AK8: variants seen among roughly 807,000 people sequenced by gnomAD.
AK8 encodes the protein ATP-AMP transphosphorylase 8.
A neutral mutation model predicts 54.6 loss-of-function variants in AK8; 44 were observed. The ratio of observed to expected loss-of-function variants is 0.81; its 90% CI spans 0.63 to 1.04. The LOEUF (loss-of-function observed/expected upper bound fraction) is 1.04. AK8 is among the 50% of genes least tolerant of loss of function. The pLI is 0.00. For missense variants in AK8, 555 were observed against 613.6 expected (o/e 0.90, Z 1.01); for synonymous variants, 239 against 245.6 (o/e 0.97, Z 0.25).
At chr9:132,857,463 TG>T (rs1275244321) in intron 4 of AK8, among the ~76,000 whole-genome samples, 5 of 152,168 alleles carry the variant, frequency 3.3e-5, no homozygotes, top group African/African-American at 1.2e-4. Context: ...TTCCCCAGGC[TG>T]GCAAGGGAAG....
Position 132,828,665 on chromosome 9 carries a change from C to T in AK8, c.464G>A (p.Gly155Glu), listed in dbSNP as rs1841980555. The T allele has an allele frequency of 6.2e-7, 1 of 1,612,228 alleles. No individual in the cohort carries two copies. The highest frequency in any genetic ancestry group is 1.3e-5 in the African/African-American group (1 of 74,882). ...REQALRIQTL[G>E]ITPRHVIVLS... ...CTCACTGACGTGTCTGGGTGTGATC[C>T]CCAGGGTCTGGATCCTCAGAGCCTG... The change falls in exon 6 of 13, where the codon GGG becomes GAG. Residue 155 changes from glycine (G) to glutamate (E), a missense_variant. Gly to Glu is a moderately conservative substitution (Grantham distance 98). Coordinates refer to ENST00000298545, the MANE Select transcript of AK8 (RefSeq NM_152572.3).
intron 11 of AK8, among the ~76,000 whole-genome samples, chr9:132,748,401 G>C (rs1254695013): frequency 6.6e-6 from 1 of 151,530 alleles, no homozygotes; most frequent in Non-Finnish European, 1.5e-5. Flanking sequence ...CACTGAGAAG[G>C]ACAAAGAGTG....
intron 11 of AK8, among the ~76,000 whole-genome samples, chr9:132,755,786 A>C (rs943506115): frequency 5.1e-5 from 7 of 136,556 alleles, no homozygotes; most frequent in Admixed American, 4.5e-4. Flanking sequence ...TTTTTTTTTG[A>C]GACGGAGTTT....
chr9:132,865,109 AG>A (rs1336768262), intron 3 of AK8, among the ~76,000 whole-genome samples: 1 of 152,192 alleles, frequency 6.6e-6, no homozygotes, highest in Non-Finnish European at 1.5e-5. Flanking sequence ...GCTAATGATC[AG>A]CAGGTCTGGG....
chr9:132,855,346 G>A (rs750080700), intron 4 of AK8, among the ~76,000 whole-genome samples: 9 of 152,150 alleles, frequency 5.9e-5, no homozygotes, highest in African/African-American at 1.7e-4. Flanking sequence ...GACTGCCCAC[G>A]TGGCTGTGTC....
chr9:132,778,483 A>AAG (rs1025637125), intron 11 of AK8, among the ~76,000 whole-genome samples: 2 of 152,056 alleles, frequency 1.3e-5, no homozygotes, highest in Non-Finnish European at 2.9e-5. Context: ...GTGATAATGA[A>AAG]AGAGAGAGAG....
intron 10 of AK8, among the ~76,000 whole-genome samples, chr9:132,811,563 A>G (rs550864172): frequency 1.2e-4 from 18 of 152,382 alleles, no homozygotes; most frequent in Admixed American, 1.0e-3. Context: ...AGGACTTCTG[A>G]CCTACAGAAC....
At chr9:132,865,606 A>C (rs1405328563) in intron 3 of AK8, among the ~76,000 whole-genome samples, 4 of 151,584 alleles carry the variant, frequency 2.6e-5, no homozygotes, top group Non-Finnish European at 5.9e-5. Context: ...TGAGGTCAAG[A>C]GATCAAGACC....
chr9:132,805,120 G>A (rs1840658599), intron 10 of AK8, among the ~76,000 whole-genome samples: 1 of 152,238 alleles, frequency 6.6e-6, no homozygotes, highest in Non-Finnish European at 1.5e-5. Flanking sequence ...GGTCAGGCCT[G>A]TCAGAGACAA....
intron 5 of AK8, among the ~76,000 whole-genome samples, chr9:132,854,644 C>T (rs191962534): frequency 6.4e-4 from 98 of 152,340 alleles, no homozygotes; most frequent in African/African-American, 2.1e-3. Context: ...CTATTTCCTA[C>T]GGGAACCCTG....
chr9:132,868,612 C>T (rs1279383970), intron 2 of AK8, among the ~76,000 whole-genome samples: 1 of 152,164 alleles, frequency 6.6e-6, no homozygotes, highest in African/African-American at 2.4e-5. Context: ...TGAATGTCAG[C>T]CCACTACTGA....
At chr9:132,850,101 T>A (rs1274944688) in intron 5 of AK8, among the ~76,000 whole-genome samples, 3 of 145,148 alleles carry the variant, frequency 2.1e-5, no homozygotes, top group Middle Eastern at 3.8e-3. Context: ...TCACCCAGGC[T>A]GGAGTGCAGT....
chr9:132,865,525 T>TA (rs1454443917), intron 3 of AK8, among the ~76,000 whole-genome samples: 2 of 152,148 alleles, frequency 1.3e-5, no homozygotes, highest in Non-Finnish European at 2.9e-5. Context: ...TTTTGGCACT[T>TA]AAAAATGGAC....
At chr9:132,817,316 T>C (rs1037674761) in intron 9 of AK8, among the ~76,000 whole-genome samples, 4 of 152,194 alleles carry the variant, frequency 2.6e-5, no homozygotes, top group Non-Finnish European at 5.9e-5. Flanking sequence ...AGAAACACAA[T>C]GTCTAGCATT....
chr9:132,827,789 C>A, intron 7 of AK8: 2 of 545,976 alleles, frequency 3.7e-6, no homozygotes, highest in Non-Finnish European at 6.5e-6. Flanking sequence ...GGTTCTGCCA[C>A]AAGAAAGTCT....
chr9:132,852,331 C>T (rs556765333), intron 5 of AK8, among the ~76,000 whole-genome samples: 6 of 152,184 alleles, frequency 3.9e-5, no homozygotes, highest in Admixed American at 1.3e-4. Flanking sequence ...AAAATTGGGC[C>T]GGGCGCGGTG....
At chr9:132,784,851 T>C (rs1839624053) in intron 11 of AK8, among the ~76,000 whole-genome samples, 1 of 152,136 alleles carries the variant, frequency 6.6e-6, no homozygotes, top group Non-Finnish European at 1.5e-5. Flanking sequence ...TTGAAATATA[T>C]AAACAACTGG....
intron 10 of AK8, among the ~76,000 whole-genome samples, chr9:132,797,042 C>T (rs966019900): frequency 9.2e-5 from 14 of 152,274 alleles, no homozygotes; most frequent in African/African-American, 3.4e-4. Context: ...CACGCTGGTT[C>T]CCACTTTGAG....
At chr9:132,752,829 A>G (rs1460291119) in intron 11 of AK8, among the ~76,000 whole-genome samples, 1 of 143,842 alleles carries the variant, frequency 7.0e-6, no homozygotes, top group Non-Finnish European at 1.5e-5. Context: ...ACCTTCCCCC[A>G]CCAGCGCATC....
Sources: gnomAD v4.1 joint callset for allele counts (sites outside exome capture counted in the v4.1 genomes callset) on GRCh38, gnomAD v4.1.1 for gene constraint, MANE v1.5 for transcripts, NCBI Gene and HGNC (gene_info 2026-07-23, HGNC 2026-07-21) for gene names.